Variants in PPFIA1 observed in about 807,000 individuals in gnomAD.
PPFIA1 encodes the protein liprin-alpha-1.
PPFIA1 carries 25 observed loss-of-function variants against 149.9 expected under a neutral mutation model. That is an observed-to-expected ratio of 0.17 (90% confidence interval 0.12 to 0.23). The LOEUF is 0.23. Among genes scored for constraint, PPFIA1 ranks in the 10% least tolerant of loss-of-function variants. The pLI, the probability that PPFIA1 is intolerant of heterozygous loss-of-function variation, is 1.00. For synonymous variants in PPFIA1, 549 were observed against 552.8 expected, an observed-to-expected ratio of 0.99 and a Z score of 0.10; for missense variants, 1,362 against 1,506.5, an observed-to-expected ratio of 0.90 and a Z score of 1.59.
At chr11:70,354,020 A>G (rs2056218856) in intron 16 of PPFIA1, among the ~76,000 whole-genome samples, 1 of 152,040 alleles carries the variant, frequency 6.6e-6, no homozygotes, top group African/African-American at 2.4e-5. Context: ...GATTCCGGGG[A>G]GGGCAGAACC....
rs879697881 is a variant in PPFIA1 at position 70,280,573 on chromosome 11, G to A, written c.264+8137G>A. On this transcript the variant is annotated intron_variant, in intron 2 of 27. Coordinates refer to ENST00000253925, the MANE Select transcript of PPFIA1 (RefSeq NM_003626.5). ...GGCAAGAGCGAAACTCCGTCTCGGG[G>A]AAAAAGAAAAAGACAGGCACCCTGT... Among the ~76,000 whole-genome samples the A allele has an allele frequency of 6.6e-5, 10 of 152,166 alleles. No individual in the cohort carries two copies. In the East Asian group the frequency reaches 1.7e-3, roughly 27 times the overall value.
chr11:70,358,069 T>C (rs1033846924), intron 19 of PPFIA1: 1 of 152,244 alleles, frequency 6.6e-6, no homozygotes, highest in African/African-American at 2.4e-5. Context: ...TCCTTTATGT[T>C]GTGCTTGGGA....
rs1383762906 is a variant in PPFIA1, at chr11:70,330,270, A to G, written c.1028A>G (p.Asn343Ser). Residue 343 changes from asparagine (N) to serine (S), a missense_variant, in exon 8 of 28, where the codon AAT becomes AGT. Asn to Ser is a conservative substitution (Grantham distance 46). Around this residue, in one of 7 missense-constraint regions of PPFIA1, gnomAD observed 733 missense variants for 744.1 expected, o/e 0.99. Coordinates refer to ENST00000253925, the MANE Select transcript of PPFIA1 (RefSeq NM_003626.5). Reference sequence around the variant, plus strand: ...GAAGCCACATCTGTGCATGACCTCAATGATAAACTTGAAAATGAAATTGCA... The same window carrying G: ...GAAGCCACATCTGTGCATGACCTCAGTGATAAACTTGAAAATGAAATTGCA... ...QREATSVHDL[N>S]DKLENEIANK... 8.2e-6 allele frequency: 13 copies of G among 1,584,894 alleles called. No individual in the cohort carries two copies. Among genetic ancestry groups the G allele is most frequent in the South Asian group, 1.2e-5 (1 of 85,358 alleles).
chr11:70,331,880 A>G, intron 8 of PPFIA1, 80 bp from the exon 9 acceptor site: 1 of 1,459,476 alleles, frequency 6.9e-7, no homozygotes, highest in Non-Finnish European at 9.2e-7. Context: ...CTGTATCTGC[A>G]TTTCAGTTTG....
rs528600432 is a variant in PPFIA1 at position 70,287,726 on chromosome 11, C to G, written c.264+15290C>G. 7.2e-5 allele frequency among the ~76,000 whole-genome samples: 11 copies of G among 151,820 alleles called. No individual in the cohort carries two copies. In the East Asian group the frequency reaches 9.8e-4, roughly 14 times the overall value. On this transcript the variant is annotated intron_variant, in intron 2 of 27. Transcript: ENST00000253925. ...TGACACAATCACAGCTCACCGTATTCTCAGCCTCCCTAGCTCAGGCAGTCC... is the reference window on the plus strand; with the variant it reads ...TGACACAATCACAGCTCACCGTATTGTCAGCCTCCCTAGCTCAGGCAGTCC...
At chr11:70,312,755 T>C (rs1033634601) in intron 2 of PPFIA1, among the ~76,000 whole-genome samples, 19 of 152,212 alleles carry the variant, frequency 1.2e-4, no homozygotes, top group Non-Finnish European at 2.4e-4. Context: ...TTTGGTTCCA[T>C]TGCCATCATC....
At chr11:70,350,719 C>G (rs1416871733) in intron 16 of PPFIA1, among the ~76,000 whole-genome samples, 1 of 151,974 alleles carries the variant, frequency 6.6e-6, no homozygotes, top group African/African-American at 2.4e-5. Flanking sequence ...ATTGTTAGGG[C>G]CTTTTATTAT....
At chr11:70,289,242 A>G (rs2051359922) in intron 2 of PPFIA1, among the ~76,000 whole-genome samples, 1 of 152,026 alleles carries the variant, frequency 6.6e-6, no homozygotes, top group Non-Finnish European at 1.5e-5. Flanking sequence ...AAGTGCTGGG[A>G]TTGCAGGCAT....
chr11:70,330,046 C>G, intron 7 of PPFIA1, 127 bp from the exon 8 acceptor site: 1 of 849,034 alleles, frequency 1.2e-6, no homozygotes, highest in Non-Finnish European at 1.8e-6. Context: ...TGTATCTGGC[C>G]TGAGGATGCT....
rs1456522569 is a variant in PPFIA1, at chr11:70,333,489, A to G, written c.1232A>G (p.Asn411Ser). Residue 411 changes from asparagine (N) to serine (S), a missense_variant, in exon 10 of 28, where the codon AAC becomes AGC. Coordinates refer to ENST00000253925, the MANE Select transcript of PPFIA1 (RefSeq NM_003626.5). ...ALSKAEERHG[N>S]IEERLRQMEA... ...TGACAGGCTGAAGAGAGACACGGCA[A>G]CATTGAAGAAAGGTTACGACAGATG... The G allele has an allele frequency of 6.2e-7, 1 of 1,613,314 alleles. No homozygotes were observed. Among genetic ancestry groups the G allele is most frequent in the African/African-American group, 1.3e-5 (1 of 75,066 alleles).
intron 2 of PPFIA1, among the ~76,000 whole-genome samples, chr11:70,291,877 G>T (rs370603182): frequency 2.0e-4 from 27 of 132,968 alleles, no homozygotes; most frequent in African/African-American, 7.4e-4. Context: ...TTGCTCTGTC[G>T]CCCAGGCTGG....
intron 15 of PPFIA1, among the ~76,000 whole-genome samples, chr11:70,347,806 A>G (rs368035262): frequency 2.6e-5 from 4 of 152,078 alleles, no homozygotes; most frequent in East Asian, 1.9e-4. Context: ...GTTCGAGACC[A>G]GCCTGGCCAA....
chr11:70,334,414 G>A (rs1034266280), intron 10 of PPFIA1: 11 of 152,134 alleles, frequency 7.2e-5, no homozygotes, highest in Admixed American at 3.3e-4. Flanking sequence ...GGGAAACGAC[G>A]ATTCCGACTC....
At chr11:70,344,093 C>T (rs991276184) in intron 15 of PPFIA1, among the ~76,000 whole-genome samples, 8 of 152,216 alleles carry the variant, frequency 5.3e-5, no homozygotes, top group African/African-American at 9.7e-5. Flanking sequence ...GGGCACTCTC[C>T]CCACAGTTAC....
intron 2 of PPFIA1, among the ~76,000 whole-genome samples, chr11:70,311,418 C>T (rs921931031): frequency 3.3e-5 from 5 of 152,152 alleles, no homozygotes; most frequent in Non-Finnish European, 7.4e-5. Context: ...CTTCATGCGT[C>T]GGAATGCACA....
intron 2 of PPFIA1, among the ~76,000 whole-genome samples, chr11:70,304,298 C>T (rs1220604174): frequency 6.6e-6 from 1 of 152,078 alleles, no homozygotes; most frequent in Admixed American, 6.6e-5. Context: ...GTGCATCTCT[C>T]CTTCTGCTGT....
chr11:70,356,014 C>G, intron 18 of PPFIA1, 147 bp from the exon 19 acceptor site: 4 of 1,006,262 alleles, frequency 4.0e-6, no homozygotes, highest in Non-Finnish European at 6.2e-6. Context: ...TGAGCATTTC[C>G]GTCTTGGGCA....
At position 70,383,342 on chromosome 11, in the gene PPFIA1, C is replaced by A; in HGVS notation, c.*352C>A. ...TACTGTAATGCTTGTATGTATAAAT[C>A]CTATGAATAGAGGGCTTTTGTAAAT... On this transcript the variant is annotated 3_prime_UTR_variant, in exon 28 of 28. Transcript: ENST00000253925. 1 of 197,840 alleles carries A rather than the reference C, an allele frequency of 5.1e-6. No homozygotes were observed. The allele number at this position is 197,840 out of a possible 1,614,324, so 12.3% of individuals were successfully genotyped here.
rs1455531285 is a variant in PPFIA1, at chr11:70,355,776, G to A, written c.2453G>A (p.Arg818Gln). The A allele has an allele frequency of 2.5e-6, 4 of 1,613,390 alleles. No homozygotes were observed. Among genetic ancestry groups the A allele is most frequent in the East Asian group, 2.2e-5 (1 of 44,872 alleles). The change falls in exon 18 of 28, where the codon CGA becomes CAA. Residue 818 changes from arginine (R) to glutamine (Q), a missense_variant. By Grantham distance (43) the Arg-to-Gln change is conservative. This residue lies in a region of PPFIA1 where 91 missense variants were observed against 91.2 expected (regional missense o/e 1.00). Coordinates refer to ENST00000253925, the MANE Select transcript of PPFIA1 (RefSeq NM_003626.5). ...GRLFGKKEKGRPGQTGKEALG... is the reference protein window; with the variant it reads ...GRLFGKKEKGQPGQTGKEALG... ...TTGTTTGGCAAGAAAGAAAAGGGCC[G>A]ACCTGGACAAACTGGCAAAGAAGCA... is the stretch of plus-strand genomic sequence containing the variant.
Sources: allele counts gnomAD v4.1 joint callset (sites outside exome capture counted in the v4.1 genomes callset), GRCh38; gene constraint gnomAD v4.1.1; regional missense constraint gnomAD v4.1.1; transcripts MANE v1.5; gene names NCBI Gene and HGNC (gene_info 2026-07-23, HGNC 2026-07-21).